Variants in PTPRM observed in about 807,000 individuals in gnomAD.
The protein encoded by PTPRM is receptor-type tyrosine-protein phosphatase mu.
PTPRM carries 47 observed loss-of-function variants against 186.7 expected under a neutral mutation model. The observed-to-expected ratio is 0.25, with a 90% CI of 0.20 to 0.32. The LOEUF is 0.32. Ranked by LOEUF, PTPRM falls within the 10% of genes least tolerant of loss-of-function variation. The pLI, the probability that PTPRM is intolerant of heterozygous loss-of-function variation, is 1.00. For missense variants in PTPRM, 1,494 were observed against 1,865.0 expected (o/e 0.80, Z 3.66); for synonymous variants, 668 against 674.9 (o/e 0.99, Z 0.16).
chr18:7,834,992 C>CTTTTTTTTTTTTTTTTTTTTTTTTTGG (rs57839485), intron 2 of PTPRM, among the ~76,000 whole-genome samples: 1 of 85,266 alleles, frequency 1.2e-5, no homozygotes, highest in Non-Finnish European at 2.3e-5. Context: ...TTATTTGGAT[C>CTTTTTTTTTTTTTTTTTTTTTTTTTGG]TTTTTTTTTT....
At chr18:7,664,628 G>A (rs139277115) in intron 1 of PTPRM, among the ~76,000 whole-genome samples, 358 of 152,222 alleles carry the variant, frequency 2.4e-3, no homozygotes, top group Middle Eastern at 0.014. Flanking sequence ...TCCTTGCAGC[G>A]TGGTGGCTGG....
At chr18:8,225,098 C>G (rs1334951958) in intron 14 of PTPRM, among the ~76,000 whole-genome samples, 2 of 152,176 alleles carry the variant, frequency 1.3e-5, no homozygotes, top group Non-Finnish European at 2.9e-5. Context: ...ATGGTGACAT[C>G]TTAATTCTGT....
intron 14 of PTPRM, among the ~76,000 whole-genome samples, chr18:8,217,842 T>G (rs2094108489): frequency 6.6e-6 from 1 of 152,248 alleles, no homozygotes; most frequent in African/African-American, 2.4e-5. Context: ...ATTTCTTTGT[T>G]TCTTTCTTGA....
intron 1 of PTPRM, among the ~76,000 whole-genome samples, chr18:7,716,720 A>C (rs1388837062): frequency 1.3e-5 from 2 of 152,214 alleles, no homozygotes; most frequent in African/African-American, 4.8e-5. Context: ...ACCAATAAAC[A>C]TGAAAAAAGC....
chr18:7,705,331 C>G (rs1219835658), intron 1 of PTPRM, among the ~76,000 whole-genome samples: 2 of 151,480 alleles, frequency 1.3e-5, no homozygotes, highest in African/African-American at 2.4e-5. Context: ...ATCTATCTGT[C>G]TATCTAGCTA....
chr18:7,676,818 T>G (rs2039354434), intron 1 of PTPRM, among the ~76,000 whole-genome samples: 1 of 152,212 alleles, frequency 6.6e-6, no homozygotes, highest in Non-Finnish European at 1.5e-5. Flanking sequence ...TGGAACAATA[T>G]AACAGATGTT....
intron 1 of PTPRM, among the ~76,000 whole-genome samples, chr18:7,656,443 T>C (rs2144334544): frequency 6.6e-6 from 1 of 151,522 alleles, no homozygotes; most frequent in South Asian, 2.1e-4. Context: ...GAGAAGGGAG[T>C]GGGGAGTTAT....
chr18:8,340,072 T>C (rs1234064665), intron 22 of PTPRM, among the ~76,000 whole-genome samples: 1 of 151,952 alleles, frequency 6.6e-6, no homozygotes. Context: ...TGCCCACCCC[T>C]GAGCAATTTT....
chr18:7,685,924 C>A (rs1412841309), intron 1 of PTPRM, among the ~76,000 whole-genome samples: 1 of 152,042 alleles, frequency 6.6e-6, no homozygotes, highest in African/African-American at 2.4e-5. Context: ...AATTGGACTG[C>A]AGTTCACTTA....
intron 30 of PTPRM, 149 bp downstream of exon 30, chr18:8,384,835 G>A: frequency 2.0e-6 from 2 of 980,230 alleles, no homozygotes; most frequent in African/African-American, 1.6e-5. Flanking sequence ...CTGACCTTAT[G>A]GAGCTTACAT....
At chr18:8,053,160 T>C (rs1460621818) in intron 7 of PTPRM, among the ~76,000 whole-genome samples, 1 of 152,168 alleles carries the variant, frequency 6.6e-6, no homozygotes, top group Non-Finnish European at 1.5e-5. Context: ...GTCTTTATTG[T>C]GTTTGGTTGT....
chr18:8,349,862 G>T (rs1456066294), intron 23 of PTPRM, among the ~76,000 whole-genome samples: 1 of 152,206 alleles, frequency 6.6e-6, no homozygotes, highest in East Asian at 1.9e-4. Context: ...TTTCATATCA[G>T]TCCCAGTAGC....
At chr18:8,094,955 A>C (rs544972222) in intron 11 of PTPRM, among the ~76,000 whole-genome samples, 1 of 152,300 alleles carries the variant, frequency 6.6e-6, no homozygotes, top group Admixed American at 6.5e-5. Context: ...TAAAAATTCC[A>C]TCTTAAGGTC....
intron 3 of PTPRM, among the ~76,000 whole-genome samples, chr18:7,901,743 G>A (rs1462607838): frequency 1.3e-5 from 2 of 152,172 alleles, no homozygotes; most frequent in Non-Finnish European, 2.9e-5. Context: ...TTTAAAATAG[G>A]TAATCTCAGA....
intron 1 of PTPRM, among the ~76,000 whole-genome samples, chr18:7,671,773 CAAAT>C (rs1314821966): frequency 6.6e-6 from 1 of 152,078 alleles, no homozygotes; most frequent in African/African-American, 2.4e-5. Context: ...AAAAAATAAG[CAAAT>C]AAAATCTTTA....
intron 19 of PTPRM, among the ~76,000 whole-genome samples, chr18:8,265,557 A>G (rs573845487): frequency 1.3e-5 from 2 of 151,534 alleles, no homozygotes; most frequent in East Asian, 1.9e-4. Context: ...TCTTTTTTCA[A>G]TGGAATGATA....
intron 8 of PTPRM, among the ~76,000 whole-genome samples, chr18:8,071,760 A>T (rs905169500): frequency 2.0e-5 from 3 of 152,198 alleles, no homozygotes; most frequent in African/African-American, 7.2e-5. Flanking sequence ...CTACTCTGCT[A>T]CCAGCTGAAG....
chr18:7,918,563 T>C (rs1188853196), intron 4 of PTPRM, among the ~76,000 whole-genome samples: 1 of 152,186 alleles, frequency 6.6e-6, no homozygotes, highest in Non-Finnish European at 1.5e-5. Flanking sequence ...TAGAGGCTCT[T>C]ACTTAACAAC....
chr18:7,846,622 C>T (rs2046610526), intron 2 of PTPRM, among the ~76,000 whole-genome samples: 1 of 152,192 alleles, frequency 6.6e-6, no homozygotes, highest in Non-Finnish European at 1.5e-5. Context: ...TTCCTGGGTT[C>T]CCCAATGAAT....
Sources: gnomAD v4.1 joint callset for allele counts (sites outside exome capture counted in the v4.1 genomes callset) on GRCh38, gnomAD v4.1.1 for gene constraint, MANE v1.5 for transcripts, NCBI Gene and HGNC (gene_info 2026-07-23, HGNC 2026-07-21) for gene names.